OPCML: variants seen among roughly 807,000 people sequenced by gnomAD.
OPCML encodes the protein opioid-binding protein/cell adhesion molecule.
A neutral mutation model predicts 37.8 loss-of-function variants in OPCML; 13 were observed. The observed-to-expected ratio is 0.34, with a 90% CI of 0.22 to 0.55. The LOEUF (loss-of-function observed/expected upper bound fraction) is 0.55, where lower values mean the gene tolerates loss of function less well. Among genes scored for constraint, OPCML ranks in the 20% least tolerant of loss-of-function variants. The pLI is 0.91. For synonymous variants in OPCML, 176 were observed against 168.8 expected (o/e 1.04, Z -0.33); for missense variants, 341 against 435.6 (o/e 0.78, Z 1.93).
At chr11:132,837,858 C>T (rs552812707) in intron 2 of OPCML, among the ~76,000 whole-genome samples, 11 of 152,210 alleles carry the variant, frequency 7.2e-5, no homozygotes, top group Non-Finnish European at 1.6e-4. Flanking sequence ...AAGACAGGCC[C>T]TCCCTCCTCC....
intron 1 of OPCML, among the ~76,000 whole-genome samples, chr11:132,946,795 C>A (rs529444202): frequency 6.6e-6 from 1 of 152,292 alleles, no homozygotes; most frequent in South Asian, 2.1e-4. Context: ...TTTGGGATTT[C>A]CTACTAGCTT....
intron 1 of OPCML, among the ~76,000 whole-genome samples, chr11:133,270,174 G>T (rs937600130): frequency 6.6e-6 from 1 of 152,150 alleles, no homozygotes; most frequent in African/African-American, 2.4e-5. Flanking sequence ...TTGTGTTTGT[G>T]TTGGATTGAT....
intron 2 of OPCML, among the ~76,000 whole-genome samples, chr11:132,715,337 G>A (rs188686788): frequency 9.2e-5 from 14 of 152,220 alleles, no homozygotes; most frequent in African/African-American, 2.4e-4. Flanking sequence ...ATTTCTGCCC[G>A]TGAGCTGTCC....
intron 2 of OPCML, among the ~76,000 whole-genome samples, chr11:132,839,388 A>C (rs188113037): frequency 2.5e-3 from 388 of 152,328 alleles, no homozygotes; most frequent in Non-Finnish European, 4.7e-3. Context: ...ATGAAAGCTG[A>C]ACACCAGGGC....
chr11:133,032,338 G>T (rs901036466), intron 1 of OPCML, among the ~76,000 whole-genome samples: 8 of 152,156 alleles, frequency 5.3e-5, no homozygotes, highest in Non-Finnish European at 1.0e-4. Context: ...GCACAGAACG[G>T]TGAGGTCCAA....
intron 1 of OPCML, among the ~76,000 whole-genome samples, chr11:133,479,648 C>T (rs1203247665): frequency 6.6e-6 from 1 of 152,194 alleles, no homozygotes; most frequent in Non-Finnish European, 1.5e-5. Flanking sequence ...ACACAATTGA[C>T]CCTGCCACTG....
At chr11:133,457,710 G>C (rs1054216139) in intron 1 of OPCML, among the ~76,000 whole-genome samples, 1 of 151,990 alleles carries the variant, frequency 6.6e-6, no homozygotes, top group Non-Finnish European at 1.5e-5. Flanking sequence ...TAGCAAAACT[G>C]TTATTCAAAA....
At chr11:133,350,023 G>A (rs1944095103) in intron 1 of OPCML, among the ~76,000 whole-genome samples, 1 of 152,182 alleles carries the variant, frequency 6.6e-6, no homozygotes, top group Non-Finnish European at 1.5e-5. Context: ...GGCTGCAGAG[G>A]AGCCCACAGA....
intron 1 of OPCML, chr11:133,006,632 ACT>A (rs1947118857): frequency 1.0e-6 from 1 of 985,230 alleles, no homozygotes; most frequent in African/African-American, 1.7e-5. Context: ...ACTATGTGAA[ACT>A]CACACCATCT....
intron 1 of OPCML, among the ~76,000 whole-genome samples, chr11:133,517,818 T>C (rs1029950059): frequency 6.6e-6 from 1 of 152,116 alleles, no homozygotes; most frequent in African/African-American, 2.4e-5. Context: ...AGTGAATGAG[T>C]AACCACAGCC....
chr11:132,981,261 C>A (rs1308294413), intron 1 of OPCML, among the ~76,000 whole-genome samples: 1 of 152,148 alleles, frequency 6.6e-6, no homozygotes, highest in African/African-American at 2.4e-5. Context: ...ATAGCAGCAA[C>A]AAGACAGATA....
chr11:132,674,618 G>A (rs936548849), intron 2 of OPCML, among the ~76,000 whole-genome samples: 2 of 152,172 alleles, frequency 1.3e-5, no homozygotes, highest in African/African-American at 4.8e-5. Flanking sequence ...GACTTTGAGG[G>A]TGGTGATAAT....
At chr11:132,704,489 C>G (rs561819038) in intron 2 of OPCML, among the ~76,000 whole-genome samples, 45 of 151,992 alleles carry the variant, frequency 3.0e-4, no homozygotes, top group African/African-American at 1.0e-3. Flanking sequence ...AGTGGGCACT[C>G]CCAAAAAATG....
intron 2 of OPCML, among the ~76,000 whole-genome samples, chr11:132,787,717 A>C (rs1591610134): frequency 1.3e-5 from 2 of 151,992 alleles, no homozygotes; most frequent in South Asian, 4.2e-4. Flanking sequence ...GTTCTTTAGA[A>C]CCTATAGCCT....
chr11:132,768,897 G>A (rs1003196336), intron 2 of OPCML, among the ~76,000 whole-genome samples: 1 of 152,042 alleles, frequency 6.6e-6, no homozygotes, highest in Admixed American at 6.5e-5. Context: ...GGAGAAAGTG[G>A]GACACAGATG....
rs574836298 is a variant in OPCML, at chr11:132,428,199, G to T, written c.916+7887C>A. Among the ~76,000 whole-genome samples the T allele has an allele frequency of 1.4e-4, 21 of 152,266 alleles. No homozygotes were observed. The South Asian group carries it at 3.5e-3, about 26-fold the overall frequency. On this transcript the variant is annotated intron_variant, in intron 7 of 7. Coordinates refer to ENST00000524381, the MANE Select transcript of OPCML (RefSeq NM_001012393.5). ...AAATTAGATTTGGAACATACAGGAGGCCAGAACGCAAGGGAAAGTCAGAAA... is the reference window on the plus strand; with the variant it reads ...AAATTAGATTTGGAACATACAGGAGTCCAGAACGCAAGGGAAAGTCAGAAA...
intron 3 of OPCML, among the ~76,000 whole-genome samples, chr11:132,569,274 T>C (rs1188371833): frequency 6.6e-6 from 1 of 152,132 alleles, no homozygotes; most frequent in Non-Finnish European, 1.5e-5. Flanking sequence ...GAAGAGGAAA[T>C]TAGGACACAG....
At chr11:133,276,498 G>A (rs894620812) in intron 1 of OPCML, among the ~76,000 whole-genome samples, 3 of 152,142 alleles carry the variant, frequency 2.0e-5, no homozygotes, top group Non-Finnish European at 2.9e-5. Flanking sequence ...CAGATATGGC[G>A]ATATGATTTG....
At chr11:132,847,090 G>T (rs911173709) in intron 2 of OPCML, among the ~76,000 whole-genome samples, 1 of 152,128 alleles carries the variant, frequency 6.6e-6, no homozygotes, top group Non-Finnish European at 1.5e-5. Context: ...TTGCTTATTT[G>T]TCAGCCTAAA....
Sources: gnomAD v4.1 joint callset for allele counts (sites outside exome capture counted in the v4.1 genomes callset) on GRCh38, gnomAD v4.1.1 for gene constraint, MANE v1.5 for transcripts, NCBI Gene and HGNC (gene_info 2026-07-23, HGNC 2026-07-21) for gene names.